Variants in TBXAS1 observed in about 807,000 individuals in gnomAD.
The protein encoded by TBXAS1 is thromboxane-A synthase.
Under a neutral mutation model 60.7 loss-of-function variants are expected in TBXAS1, and 48 were observed. The observed-to-expected ratio is 0.79, with a 90% CI of 0.63 to 1.01. TBXAS1 has a LOEUF of 1.01. Ranked by LOEUF, TBXAS1 falls within the 50% of genes least tolerant of loss-of-function variation. The probability of loss-of-function intolerance (pLI) is 0.00; values close to 1 mark genes in which losing one functional copy is unlikely to be tolerated. For missense variants in TBXAS1, 685 were observed against 686.3 expected, an observed-to-expected ratio of 1.00 and a Z score of 0.02; for synonymous variants, 287 against 269.7, an observed-to-expected ratio of 1.06 and a Z score of -0.63.
intron 4 of TBXAS1, among the ~76,000 whole-genome samples, chr7:139,812,113 G>A (rs1271939442): frequency 3.3e-5 from 5 of 152,098 alleles, no homozygotes; most frequent in Admixed American, 1.3e-4. Context: ...TCTTATTGCC[G>A]TCCTTGAAAA....
At chr7:140,011,655 G>A (rs1372895003) in intron 10 of TBXAS1, among the ~76,000 whole-genome samples, 1 of 152,054 alleles carries the variant, frequency 6.6e-6, no homozygotes, top group Non-Finnish European at 1.5e-5. Context: ...GAAAGTAGAA[G>A]GCTGTCTGCC....
At position 140,015,804 on chromosome 7, in the gene TBXAS1, T is replaced by A. The variant is rs1814990817; in HGVS notation, c.1308T>A (p.Gly436=). 1 of 1,613,632 alleles carries A rather than the reference T, an allele frequency of 6.2e-7. No homozygotes were observed. Among genetic ancestry groups the A allele is most frequent in the African/African-American group, 1.3e-5 (1 of 74,900 alleles). The change falls in exon 11 of 13, where the codon GGT becomes GGA. Residue 436 remains glycine (G), a synonymous_variant. Coordinates refer to ENST00000448866, the MANE Select transcript of TBXAS1 (RefSeq NM_001061.7). ...PAGAVLEMAV[G]ALHHDPEHWP... is the part of the protein sequence containing the mutation. ...GCGCTGTGCTAGAGATGGCCGTGGG[T>A]GCCCTGCACCATGACCCTGAGCACT... is the stretch of plus-strand genomic sequence containing the variant.
chr7:139,799,016 T>C (rs1277031707), intron 4 of TBXAS1, among the ~76,000 whole-genome samples: 4 of 151,826 alleles, frequency 2.6e-5, no homozygotes, highest in Middle Eastern at 3.4e-3. Flanking sequence ...CGTCAGACAT[T>C]AGCACCATTC....
chr7:139,926,660 T>C (rs1256574586), intron 4 of TBXAS1, among the ~76,000 whole-genome samples: 1 of 152,112 alleles, frequency 6.6e-6, no homozygotes, highest in Middle Eastern at 3.2e-3. Flanking sequence ...TTCTTTTTTT[T>C]TCTACTAACT....
chr7:139,897,779 A>G (rs575500908), intron 3 of TBXAS1, among the ~76,000 whole-genome samples: 1 of 152,296 alleles, frequency 6.6e-6, no homozygotes, highest in South Asian at 2.1e-4. Flanking sequence ...TCTGAGGGTA[A>G]CATGGGCAGA....
chr7:139,839,908 C>T (rs1423415049), intron 1 of TBXAS1, among the ~76,000 whole-genome samples: 2 of 139,854 alleles, frequency 1.4e-5, no homozygotes, highest in African/African-American at 5.4e-5. Context: ...CACTTGAACC[C>T]GGGAGGCAGA....
At chr7:139,826,412 G>A (rs1798439321), upstream of TBXAS1, among the ~76,000 whole-genome samples, 1 of 152,110 alleles carries the variant, frequency 6.6e-6, no homozygotes, top group Non-Finnish European at 1.5e-5. Context: ...TAATAAGCAG[G>A]GAACTACAGA....
At chr7:139,797,420 T>C (rs76316996) in intron 4 of TBXAS1, 2 of 152,316 alleles carry the variant, frequency 1.3e-5, no homozygotes, top group East Asian at 3.9e-4. Flanking sequence ...GTGTTAGCCA[T>C]TGGCCCTGCA....
intron 6 of TBXAS1, 115 bp from the exon 7 acceptor site, chr7:139,955,344 C>T: frequency 7.2e-7 from 1 of 1,379,548 alleles, no homozygotes; most frequent in Non-Finnish European, 1.0e-6. Context: ...CCAGACACAT[C>T]TGCAGGGCTG....
At chr7:139,951,629 C>T (rs1254817009) in intron 5 of TBXAS1, among the ~76,000 whole-genome samples, 2 of 124,686 alleles carry the variant, frequency 1.6e-5, no homozygotes, top group Admixed American at 1.6e-4. Context: ...AAAAATTAGC[C>T]AGGCATGGTG....
intron 12 of TBXAS1, among the ~76,000 whole-genome samples, chr7:140,018,856 G>A (rs1161647682): frequency 2.6e-5 from 4 of 152,182 alleles, no homozygotes; most frequent in African/African-American, 9.7e-5. Flanking sequence ...AAACATTAAT[G>A]AGCAAATGGA....
upstream of TBXAS1, among the ~76,000 whole-genome samples, chr7:139,826,728 A>G (rs1798446978): frequency 6.6e-6 from 1 of 152,200 alleles, no homozygotes; most frequent in Non-Finnish European, 1.5e-5. Context: ...GACACATAGG[A>G]AAGCTCCTAG....
chr7:139,828,524 GT>G (rs1412936302), upstream of TBXAS1, among the ~76,000 whole-genome samples: 4 of 152,104 alleles, frequency 2.6e-5, no homozygotes, highest in East Asian at 5.8e-4. Flanking sequence ...GGGATTGCTG[GT>G]TTTTTCTTGC....
intron 2 of TBXAS1, among the ~76,000 whole-genome samples, chr7:139,781,837 CAAAAAAAAAAAAAAA>C: frequency 1.5e-5 from 1 of 67,314 alleles, no homozygotes; most frequent in Non-Finnish European, 2.7e-5. Context: ...AATTCCATCT[CAAAAAAAAAAAAAAA>C]AAAAAAAAGG....
At chr7:139,941,067 C>A (rs1326797421) in intron 5 of TBXAS1, among the ~76,000 whole-genome samples, 1 of 152,216 alleles carries the variant, frequency 6.6e-6, no homozygotes, top group Non-Finnish European at 1.5e-5. Flanking sequence ...AGCTCAGAGA[C>A]TCTGAGCCAC....
chr7:139,816,456 A>C (rs1360643039), intron 4 of TBXAS1, among the ~76,000 whole-genome samples: 1 of 152,138 alleles, frequency 6.6e-6, no homozygotes, highest in Admixed American at 6.5e-5. Context: ...CCATCTTTGA[A>C]TCTAATGTGT....
rs1569518460 is a variant in TBXAS1 at position 139,952,014 on chromosome 7, A to AAAGAAAGAAAGAAAG, written c.451-1353_451-1352insAGAAAGAAAGAAAGA. 3.5e-3 allele frequency among the ~76,000 whole-genome samples: 139 copies of AAAGAAAGAAAGAAAG among 40,124 alleles called. 1 individual carries two copies. The highest frequency in any genetic ancestry group is 6.0e-3 in the East Asian group (11 of 1,842). 26.3% of individuals were successfully genotyped at this position (40,124 alleles called of 152,430 possible). A position where few individuals can be genotyped will look rare whatever the true frequency, so the allele number is the denominator to read the frequency against. ...AGAAAGAAAGAAAGAAAGAAAGAAAAAGAAAGGAAGGAAGGAGGGAAGGAA... is the reference window on the plus strand; with the variant it reads ...AGAAAGAAAGAAAGAAAGAAAGAAAAAAGAAAGAAAGAAAGAGAAAGGAAGGAAGGAGGGAAGGAA... On this transcript the variant is annotated intron_variant, in intron 5 of 12. Transcript: ENST00000448866.
chr7:139,986,155 G>A (rs1352094808), intron 9 of TBXAS1, among the ~76,000 whole-genome samples: 3 of 152,242 alleles, frequency 2.0e-5, no homozygotes, highest in Non-Finnish European at 2.9e-5. Flanking sequence ...GTGAATGTTT[G>A]TTGAGTTCTC....
At position 139,816,625 on chromosome 7, in the gene TBXAS1, G is replaced by A. The variant is rs183927597; in HGVS notation, c.-79-12687G>A. Reference sequence around the variant, plus strand: ...CATCACCTGGGAAATTGGAAGAAATGCAAATTCTAGGGCCCCAACCCAGAA... The same window carrying A: ...CATCACCTGGGAAATTGGAAGAAATACAAATTCTAGGGCCCCAACCCAGAA... On this transcript the variant is annotated intron_variant, in intron 4 of 16. Coordinates refer to the TBXAS1 transcript ENST00000336425. 3.9e-5 allele frequency among the ~76,000 whole-genome samples: 6 copies of A among 152,318 alleles called. No individual in the cohort carries two copies. The East Asian group carries it at 1.2e-3, about 29-fold the overall frequency.
Sources: gnomAD v4.1 joint callset for allele counts (sites outside exome capture counted in the v4.1 genomes callset) on GRCh38, gnomAD v4.1.1 for gene constraint, MANE v1.5 for transcripts, NCBI Gene and HGNC (gene_info 2026-07-23, HGNC 2026-07-21) for gene names.